The following CFAP20 variants were observed in gnomAD, a reference collection of about 807,000 sequenced individuals.
CFAP20 encodes the protein cilia and flagella associated protein 20.
Under a neutral mutation model 25.5 loss-of-function variants are expected in CFAP20, and 14 were observed. The observed-to-expected ratio is 0.55, with a 90% CI of 0.36 to 0.86. The LOEUF (loss-of-function observed/expected upper bound fraction) is 0.86, where lower values mean the gene tolerates loss of function less well. CFAP20 is among the 40% of genes least tolerant of loss of function. The probability of loss-of-function intolerance (pLI) is 0.01; values close to 1 mark genes in which losing one functional copy is unlikely to be tolerated. For missense variants in CFAP20, 181 were observed against 248.0 expected (o/e 0.73, Z 1.81); for synonymous variants, 75 against 91.1 (o/e 0.82, Z 1.01).
At chr16:58,121,687 G>A (rs986912607) in intron 1 of CFAP20, among the ~76,000 whole-genome samples, 4 of 152,110 alleles carry the variant, frequency 2.6e-5, no homozygotes, top group Non-Finnish European at 5.9e-5. Context: ...AAAGCTTCAG[G>A]CCAGTCTTAC....
intron 5 of CFAP20, among the ~76,000 whole-genome samples, chr16:58,114,450 T>C (rs1377705839): frequency 6.6e-6 from 1 of 150,910 alleles, no homozygotes; most frequent in Non-Finnish European, 1.5e-5. Flanking sequence ...CCCTTGAACC[T>C]GGAAGGCAGA....
intron 1 of CFAP20, among the ~76,000 whole-genome samples, chr16:58,124,162 G>A (rs1019579641): frequency 2.6e-5 from 4 of 152,180 alleles, no homozygotes; most frequent in African/African-American, 9.7e-5. Context: ...GCCAGAGCAT[G>A]GGTTATGTGG....
At chr16:58,128,252 T>A (rs1045833814) in intron 1 of CFAP20, among the ~76,000 whole-genome samples, 1 of 152,172 alleles carries the variant, frequency 6.6e-6, no homozygotes, top group African/African-American at 2.4e-5. Context: ...CAAACACATA[T>A]CATCTAGTGG....
At chr16:58,117,392 C>G (rs767439588) in intron 1 of CFAP20, among the ~76,000 whole-genome samples, 2 of 152,226 alleles carry the variant, frequency 1.3e-5, no homozygotes, top group Non-Finnish European at 2.9e-5. Context: ...AGCCTTTCCA[C>G]TGCCTCATAC....
chr16:58,126,242 C>T (rs993959383), intron 1 of CFAP20, among the ~76,000 whole-genome samples: 2 of 152,120 alleles, frequency 1.3e-5, no homozygotes, highest in African/African-American at 2.4e-5. Context: ...CAGCCACAGG[C>T]ACACCCATGA....
intron 1 of CFAP20, among the ~76,000 whole-genome samples, chr16:58,122,231 TA>T (rs928876714): frequency 1.3e-5 from 2 of 152,196 alleles, no homozygotes; most frequent in African/African-American, 4.8e-5. Context: ...CAACAACCCC[TA>T]AGTCAGCGTA....
chr16:58,119,156 C>G (rs1406654653), intron 1 of CFAP20: 1 of 152,182 alleles, frequency 6.6e-6, no homozygotes, highest in Non-Finnish European at 1.5e-5. Context: ...TGAGCTCTGT[C>G]ACTGTGAGTC....
chr16:58,113,903 T>C lies in CFAP20; in HGVS notation c.*122A>G. On this transcript the variant is annotated 3_prime_UTR_variant, in exon 6 of 6. Coordinates refer to ENST00000262498, the MANE Select transcript of CFAP20 (RefSeq NM_013242.3). Reference sequence around the variant, plus strand: ...TGTCCATGACAAGCAACACCAAGTATAAATAACAGAACTACAGCAGAGCAA... The same window carrying C: ...TGTCCATGACAAGCAACACCAAGTACAAATAACAGAACTACAGCAGAGCAA... The C allele has an allele frequency of 8.4e-7, 1 of 1,185,646 alleles. No individual in the cohort carries two copies. Among genetic ancestry groups the C allele is most frequent in the South Asian group, 1.2e-5 (1 of 80,108 alleles). The allele number at this position is 1,185,646 out of a possible 1,614,324, so 73.4% of individuals were successfully genotyped here.
In CFAP20 at chr16:58,129,068, G is replaced by C; in HGVS notation, c.48C>G (p.Ser16Arg). 1 of 1,613,224 alleles carries C rather than the reference G, an allele frequency of 6.2e-7. No homozygotes were observed. Among genetic ancestry groups the C allele is most frequent in the Non-Finnish European group, 8.5e-7 (1 of 1,179,664 alleles). Reference protein sequence around the residue: ...FQSGFLSILYSIGSKPLQIWD... With the variant: ...FQSGFLSILYRIGSKPLQIWD... ...AGATTTGCAGAGGCTTGCTGCCGAT[G>C]CTGTAGAGGATGGAGAGGAAGCCGC... The change falls in exon 1 of 6, where the codon AGC becomes AGG. Residue 16 changes from serine to arginine, a missense_variant. Ser to Arg is a moderately radical substitution (Grantham distance 110). Coordinates refer to ENST00000262498, the MANE Select transcript of CFAP20 (RefSeq NM_013242.3).
chr16:58,113,990 C>T lies in CFAP20; in HGVS notation c.*35G>A, dbSNP rs1389488410. On this transcript the variant is annotated 3_prime_UTR_variant, in exon 6 of 6. Coordinates refer to ENST00000262498, the MANE Select transcript of CFAP20 (RefSeq NM_013242.3). The stretch of plus-strand genomic sequence containing the variant: ...AGTTTCCTTTTAAAAAGAAGAGTCA[C>T]ATCCAGGGGTCTATCCCTCGAGTCA... The T allele has an allele frequency of 1.2e-6, 2 of 1,605,828 alleles. No individual in the cohort carries two copies. Among genetic ancestry groups the T allele is most frequent in the African/African-American group, 1.3e-5 (1 of 74,586 alleles).
rs1960676202 is a variant in CFAP20, at chr16:58,129,242, G to A, written c.-127C>T. On this transcript the variant is annotated 5_prime_UTR_variant, in exon 1 of 6. Transcript: ENST00000262498. ...TCCGAAGAAGGGTGGTTGAGCTCCT[G>A]GCCTCCGGATCTGCAGCCACTGATG... 1.0e-6 allele frequency: 1 copy of A among 984,008 alleles called. No individual in the cohort carries two copies. The highest frequency in any genetic ancestry group is 1.5e-6 in the Non-Finnish European group (1 of 665,312). The allele number at this position is 984,008 out of a possible 1,614,324, so 61.0% of individuals were successfully genotyped here.
Position 58,114,853 on chromosome 16 carries a change from G to A in CFAP20, c.533C>T (p.Pro178Leu), listed in dbSNP as rs1284637471. ...TGGGAGATACAGTTTGAACTCTGCC[G>A]GCAGCTCATCTTCTGAGTAGAGTCT... ...SDRLYSEDEL[P>L]AEFKLYLPVQ... The change falls in exon 5 of 6, where the codon CCG becomes CTG. Residue 178 changes from proline (P) to leucine (L), a missense_variant. Transcript: ENST00000262498. 1.7e-5 allele frequency: 27 copies of A among 1,613,922 alleles called. No homozygotes were observed. The highest frequency in any genetic ancestry group is 9.3e-5 in the African/African-American group (7 of 74,878).
chr16:58,123,342 A>T, intron 1 of CFAP20, among the ~76,000 whole-genome samples: 1 of 145,262 alleles, frequency 6.9e-6, no homozygotes, highest in Non-Finnish European at 1.5e-5. Flanking sequence ...CACGCCTGTA[A>T]TCCCAACACT....
At chr16:58,126,890 TTC>T (rs771571333) in intron 1 of CFAP20, among the ~76,000 whole-genome samples, 1 of 152,248 alleles carries the variant, frequency 6.6e-6, no homozygotes, top group Non-Finnish European at 1.5e-5. Flanking sequence ...TTCCTTTTTC[TTC>T]TCTTTCCTTC....
intron 1 of CFAP20, among the ~76,000 whole-genome samples, chr16:58,123,959 C>T (rs58036923): frequency 0.15 from 23,119 of 152,084 alleles, 2,246 homozygotes; most frequent in East Asian, 0.36. Flanking sequence ...GGCCTTTGAA[C>T]TGTGACTGGA....
intron 1 of CFAP20, among the ~76,000 whole-genome samples, chr16:58,125,930 C>CTG (rs144086890): frequency 0.032 from 4,822 of 152,328 alleles, 101 homozygotes; most frequent in East Asian, 0.089. Context: ...TATGGCACCA[C>CTG]TGTCATGTGT....
Position 58,116,114 on chromosome 16 carries a change from G to A in CFAP20, c.203C>T (p.Thr68Met), listed in dbSNP as rs112723051. The A allele has an allele frequency of 2.0e-5, 33 of 1,613,556 alleles. No individual in the cohort carries two copies. The highest frequency in any genetic ancestry group is 5.0e-5 in the Admixed American group (3 of 59,984). Residue 68 changes from threonine to methionine, a missense_variant, in exon 3 of 6, where the codon ACG (threonine) becomes ATG (methionine). Physicochemically the swap from Thr to Met is moderately conservative, Grantham distance 81. Transcript: ENST00000262498. ...AAGGAAAGGAAGTTTAATTCCCAGC[G>A]TCTTCTTGGGGTCTGCAGGGCATGT... The part of the protein sequence containing the change: ...YITCPADPKK[T>M]LGIKLPFLVM...
rs371577697 is a variant in CFAP20 at position 58,126,514 on chromosome 16, C to A, written c.84+2518G>T. ...CATAGAAACCGAACAGAAATTCTCT[C>A]TATATATACTCATGAAAGAAAACAA... On this transcript the variant is annotated intron_variant, in intron 1 of 5. Coordinates refer to ENST00000262498, the MANE Select transcript of CFAP20 (RefSeq NM_013242.3). Among the ~76,000 whole-genome samples the A allele has an allele frequency of 2.7e-3, 406 of 152,244 alleles. 5 individuals are homozygous for A. Among genetic ancestry groups the A allele is most frequent in the African/African-American group, 9.3e-3 (387 of 41,538 alleles).
intron 1 of CFAP20, among the ~76,000 whole-genome samples, chr16:58,120,113 T>C (rs1960514457): frequency 6.6e-6 from 1 of 152,252 alleles, no homozygotes; most frequent in African/African-American, 2.4e-5. Context: ...GAAGAAGGAA[T>C]TAATGAAGAA....
Sources: allele counts gnomAD v4.1 joint callset (sites outside exome capture counted in the v4.1 genomes callset), GRCh38; gene constraint gnomAD v4.1.1; transcripts MANE v1.5; gene names NCBI Gene and HGNC (gene_info 2026-07-23, HGNC 2026-07-21).